The following CFAP61 variants were observed in gnomAD, a reference collection of about 807,000 sequenced individuals.
CFAP61 encodes cilia- and flagella-associated protein 61.
Under a neutral mutation model 135.6 loss-of-function variants are expected in CFAP61, and 107 were observed. The observed-to-expected ratio is 0.79, with a 90% CI of 0.67 to 0.93. The LOEUF (loss-of-function observed/expected upper bound fraction) is 0.93, where lower values mean the gene tolerates loss of function less well. CFAP61 is among the 40% of genes least tolerant of loss of function. The pLI, the probability that CFAP61 is intolerant of heterozygous loss-of-function variation, is 0.00. For synonymous variants in CFAP61, 575 were observed against 578.5 expected (o/e 0.99, Z 0.09); for missense variants, 1,507 against 1,556.2 (o/e 0.97, Z 0.53).
At chr20:20,233,968 A>G (rs2049368722) in intron 18 of CFAP61, among the ~76,000 whole-genome samples, 1 of 152,080 alleles carries the variant, frequency 6.6e-6, no homozygotes, top group Admixed American at 6.5e-5. Flanking sequence ...TGATCACACA[A>G]AGCACAAACC....
At chr20:20,179,546 G>T (rs1297536262) in intron 13 of CFAP61, among the ~76,000 whole-genome samples, 1 of 152,098 alleles carries the variant, frequency 6.6e-6, no homozygotes, top group Non-Finnish European at 1.5e-5. Context: ...ATATTCATAT[G>T]GACCCGAGAA....
intron 22 of CFAP61, among the ~76,000 whole-genome samples, chr20:20,284,719 G>T (rs931461009): frequency 2.0e-5 from 3 of 152,206 alleles, no homozygotes; most frequent in Admixed American, 2.0e-4. Flanking sequence ...TTGCAGCTAT[G>T]CAGTTCCTTC....
At chr20:20,086,406 A>C (rs1040360544) in intron 6 of CFAP61, among the ~76,000 whole-genome samples, 16 of 144,172 alleles carry the variant, frequency 1.1e-4, no homozygotes, top group African/African-American at 3.9e-4. Flanking sequence ...TATGAGTGAG[A>C]ACATGCAGTG....
chr20:20,342,315 A>G (rs1241106450), intron 26 of CFAP61, among the ~76,000 whole-genome samples: 2 of 152,204 alleles, frequency 1.3e-5, no homozygotes, highest in African/African-American at 2.4e-5. Flanking sequence ...AAAGATGTAC[A>G]GGGAAGCCAT....
chr20:20,224,140 G>T (rs1429158612), intron 17 of CFAP61, among the ~76,000 whole-genome samples: 11 of 152,156 alleles, frequency 7.2e-5, no homozygotes, highest in Non-Finnish European at 1.5e-4. Context: ...TCTAGTTGTA[G>T]GGTGGCAGGC....
At chr20:20,345,973 C>T (rs1203889882) in intron 26 of CFAP61, among the ~76,000 whole-genome samples, 4 of 133,198 alleles carry the variant, frequency 3.0e-5, no homozygotes, top group African/African-American at 1.1e-4. Context: ...GCAATCTCGG[C>T]TCACTGCAAG....
chr20:20,216,954 C>G (rs2048081444), intron 17 of CFAP61, among the ~76,000 whole-genome samples: 1 of 152,066 alleles, frequency 6.6e-6, no homozygotes, highest in African/African-American at 2.4e-5. Flanking sequence ...CAGCAGTGGC[C>G]ACTCCCATTT....
At chr20:20,240,716 T>C (rs1309320473) in intron 18 of CFAP61, among the ~76,000 whole-genome samples, 1 of 152,206 alleles carries the variant, frequency 6.6e-6, no homozygotes, top group Non-Finnish European at 1.5e-5. Flanking sequence ...CCCTGGGGAC[T>C]GTGGTTCTTT....
At chr20:20,290,022 G>A (rs1330992871) in intron 23 of CFAP61, among the ~76,000 whole-genome samples, 3 of 152,214 alleles carry the variant, frequency 2.0e-5, no homozygotes, top group Admixed American at 6.5e-5. Flanking sequence ...GTTAAAGGGC[G>A]GGGAGCTCCG....
In CFAP61 at chr20:20,056,641, G is replaced by T; in HGVS notation, c.-13G>T. 1 of 1,613,454 alleles carries T rather than the reference G, an allele frequency of 6.2e-7. No homozygotes were observed. Among genetic ancestry groups the T allele is most frequent in the Non-Finnish European group, 8.5e-7 (1 of 1,179,742 alleles). On this transcript the variant is annotated 5_prime_UTR_variant, in exon 2 of 27. Coordinates refer to ENST00000245957, the MANE Select transcript of CFAP61 (RefSeq NM_015585.4). Reference sequence around the variant, plus strand: ...AGTGGACTTTTTTCTCTCTTTTGGGGACAGGATAAAAAATGTCAGTACTCA... The same window carrying T: ...AGTGGACTTTTTTCTCTCTTTTGGGTACAGGATAAAAAATGTCAGTACTCA...
intron 25 of CFAP61, among the ~76,000 whole-genome samples, chr20:20,315,500 T>C (rs1427627670): frequency 3.3e-5 from 5 of 152,210 alleles, no homozygotes; most frequent in African/African-American, 1.2e-4. Flanking sequence ...CTGTTCACTC[T>C]GATGGTAGTT....
intron 18 of CFAP61, among the ~76,000 whole-genome samples, chr20:20,240,611 CT>C (rs1294665812): frequency 4.6e-5 from 7 of 151,560 alleles, no homozygotes; most frequent in Non-Finnish European, 1.0e-4. Context: ...TAATAAGGAT[CT>C]TCTCATATCC....
In CFAP61 at chr20:20,191,360, G is replaced by T. The variant is rs1248905977; in HGVS notation, c.1531G>T (p.Ala511Ser). The T allele has an allele frequency of 5.0e-6, 8 of 1,613,068 alleles. No homozygotes were observed. Among genetic ancestry groups the T allele is most frequent in the South Asian group, 4.4e-5 (4 of 90,994 alleles). ...TTTTCAGGATGGAACACTGCTGCAG[G>T]CATTTGTAGCTGAAGTTGCAGAACA... Reference protein sequence around the residue: ...RKDPDGTLLQAFVAEVAEQIV... With the variant: ...RKDPDGTLLQSFVAEVAEQIV... The change falls in exon 15 of 27, where the codon GCA becomes TCA. Residue 511 changes from alanine to serine, a missense_variant. Coordinates refer to ENST00000245957, the MANE Select transcript of CFAP61 (RefSeq NM_015585.4).
chr20:20,337,616 G>GTGGATGGATGGATGGATAGATGGATAGA (rs1302728171), intron 25 of CFAP61, among the ~76,000 whole-genome samples: 1 of 2,896 alleles, frequency 3.5e-4, no homozygotes, highest in Non-Finnish European at 6.7e-3. Flanking sequence ...AGATGGGTGG[G>GTGGATGGATGGATGGATAGATGGATAGA]TGGGTGGATG....
chr20:20,102,364 C>T (rs2048090328), intron 8 of CFAP61, among the ~76,000 whole-genome samples: 1 of 152,196 alleles, frequency 6.6e-6, no homozygotes. Flanking sequence ...TACCCCAGCT[C>T]CCTCACTCCT....
chr20:20,239,709 G>A (rs191043982), intron 18 of CFAP61, among the ~76,000 whole-genome samples: 50 of 152,106 alleles, frequency 3.3e-4, no homozygotes, highest in African/African-American at 1.2e-3. Context: ...TTCTGAGACC[G>A]GGATCTTAAT....
At chr20:20,249,152 T>TC (rs2050692086) in intron 19 of CFAP61, among the ~76,000 whole-genome samples, 1 of 152,192 alleles carries the variant, frequency 6.6e-6, no homozygotes, top group South Asian at 2.1e-4. Flanking sequence ...AAATATCACT[T>TC]ACAGTCTTCG....
chr20:20,288,848 T>A lies in CFAP61; in HGVS notation c.3036T>A (p.His1012Gln). Reference protein sequence around the residue: ...IGFQLAAAMLHLFDPTLEPVT... With the variant: ...IGFQLAAAMLQLFDPTLEPVT... Reference sequence around the variant, plus strand: ...TTCAGCTGGCAGCAGCTATGCTACATCTCTTTGATCCAACCCTTGAGCCTG... The same window carrying A: ...TTCAGCTGGCAGCAGCTATGCTACAACTCTTTGATCCAACCCTTGAGCCTG... The change falls in exon 23 of 27, where the codon CAT (histidine) becomes CAA (glutamine). Residue 1012 changes from histidine (H) to glutamine (Q), a missense_variant. Physicochemically the swap from His to Gln is conservative, Grantham distance 24. Transcript: ENST00000245957. 6.8e-6 allele frequency: 11 copies of A among 1,614,182 alleles called. No individual in the cohort carries two copies. The highest frequency in any genetic ancestry group is 8.5e-6 in the Non-Finnish European group (10 of 1,180,024).
intron 25 of CFAP61, among the ~76,000 whole-genome samples, chr20:20,301,358 G>A (rs1333610793): frequency 6.6e-6 from 1 of 152,202 alleles, no homozygotes; most frequent in Non-Finnish European, 1.5e-5. Flanking sequence ...TAGGCCAGGT[G>A]TGTAGTAGTA....
Sources: allele counts gnomAD v4.1 joint callset (sites outside exome capture counted in the v4.1 genomes callset), GRCh38; gene constraint gnomAD v4.1.1; transcripts MANE v1.5; gene names NCBI Gene and HGNC (gene_info 2026-07-23, HGNC 2026-07-21).